Variants in PRIM2 observed in about 807,000 individuals in gnomAD.
The protein encoded by PRIM2 is DNA primase large subunit.
PRIM2 carries 39 observed loss-of-function variants against 67.3 expected under a neutral mutation model. The ratio of observed to expected loss-of-function variants is 0.58; its 90% CI spans 0.45 to 0.76. The LOEUF (loss-of-function observed/expected upper bound fraction) is 0.76. Ranked by LOEUF, PRIM2 falls within the 30% of genes least tolerant of loss-of-function variation. The probability of loss-of-function intolerance (pLI) is 0.00; values close to 1 mark genes in which losing one functional copy is unlikely to be tolerated. For missense variants in PRIM2, 398 were observed against 598.7 expected, an observed-to-expected ratio of 0.66 and a Z score of 3.50; for synonymous variants, 143 against 198.7, an observed-to-expected ratio of 0.72 and a Z score of 2.36.
chr6:57,308,723 TC>T, the PRIM2 span, among the ~76,000 whole-genome samples: 6 of 152,306 alleles, frequency 3.9e-5, no homozygotes, highest in Non-Finnish European at 4.4e-5. Flanking sequence ...TAGAATATTA[TC>T]TCATTGTGGT....
the PRIM2 span, among the ~76,000 whole-genome samples, chr6:57,273,614 T>C: frequency 6.6e-6 from 1 of 152,214 alleles, no homozygotes; most frequent in Non-Finnish European, 1.5e-5. Context: ...TCTGAAGCCT[T>C]CTTCTCTCAG....
chr6:57,224,867 A>G, the PRIM2 span, among the ~76,000 whole-genome samples: 1 of 152,230 alleles, frequency 6.6e-6, no homozygotes, highest in East Asian at 1.9e-4. Flanking sequence ...AGCAGAACAG[A>G]AGAAACACTC....
At chr6:57,371,114 G>A (rs994613501) in intron 5 of PRIM2, among the ~76,000 whole-genome samples, 3 of 137,512 alleles carry the variant, frequency 2.2e-5, no homozygotes, top group African/African-American at 8.0e-5. Flanking sequence ...TTTTATTTAA[G>A]TTCTTGAGGT....
chr6:57,277,762 C>G, the PRIM2 span, among the ~76,000 whole-genome samples: 1 of 151,968 alleles, frequency 6.6e-6, no homozygotes, highest in South Asian at 2.1e-4. Flanking sequence ...GGGTGGATCA[C>G]AAGGTCAGGA....
intron 12 of PRIM2, among the ~76,000 whole-genome samples, chr6:57,614,218 C>T (rs1776714768): frequency 6.6e-6 from 1 of 152,188 alleles, no homozygotes; most frequent in African/African-American, 2.4e-5. Context: ...AGGTTGTGCG[C>T]TCCTTATGAG....
intron 7 of PRIM2, among the ~76,000 whole-genome samples, chr6:57,384,107 C>G (rs993436696): frequency 3.9e-5 from 6 of 152,178 alleles, no homozygotes; most frequent in African/African-American, 1.4e-4. Flanking sequence ...TATGCCTTAT[C>G]CTCAGTCTGG....
chr6:57,622,654 A>G (rs1308075052), intron 12 of PRIM2, among the ~76,000 whole-genome samples: 1 of 152,166 alleles, frequency 6.6e-6, no homozygotes, highest in African/African-American at 2.4e-5. Flanking sequence ...ATTTTCACTC[A>G]ACTATTAATG....
intron 7 of PRIM2, among the ~76,000 whole-genome samples, chr6:57,386,235 C>A (rs1466996116): frequency 6.6e-6 from 1 of 151,002 alleles, no homozygotes; most frequent in East Asian, 1.9e-4. Context: ...AAAACAACAA[C>A]AACAACAACA....
chr6:57,377,850 G>A (rs35573762), intron 5 of PRIM2, among the ~76,000 whole-genome samples: 1 of 151,680 alleles, frequency 6.6e-6, no homozygotes, highest in Non-Finnish European at 1.5e-5. Context: ...GTTTCATTTA[G>A]TGATATAAAA....
At chr6:57,275,155 CA>C in the PRIM2 span, among the ~76,000 whole-genome samples, 3 of 151,520 alleles carry the variant, frequency 2.0e-5, no homozygotes, top group Non-Finnish European at 4.4e-5. Flanking sequence ...AAAAACAGTG[CA>C]AAAAAATGCA....
At chr6:57,561,344 G>T (rs1289236840) in intron 10 of PRIM2, among the ~76,000 whole-genome samples, 10 of 152,198 alleles carry the variant, frequency 6.6e-5, no homozygotes, top group African/African-American at 2.4e-4. Context: ...CGATTCTCCT[G>T]CCTCAGCCTC....
At chr6:57,612,031 G>A (rs1311314965) in intron 12 of PRIM2, among the ~76,000 whole-genome samples, 1 of 152,002 alleles carries the variant, frequency 6.6e-6, no homozygotes, top group Non-Finnish European at 1.5e-5. Context: ...AAACTACAAT[G>A]AATACCATGA....
intron 10 of PRIM2, among the ~76,000 whole-genome samples, chr6:57,561,329 G>A (rs1283711331): frequency 2.0e-5 from 3 of 152,104 alleles, no homozygotes; most frequent in Non-Finnish European, 2.9e-5. Flanking sequence ...CCTCCTGGGT[G>A]CAAACGATTC....
chr6:57,334,511 A>T (rs970067713), intron 5 of PRIM2, among the ~76,000 whole-genome samples: 4 of 152,162 alleles, frequency 2.6e-5, no homozygotes, highest in Non-Finnish European at 5.9e-5. Context: ...TACAAAAAAT[A>T]AAAAATAGCT....
intron 8 of PRIM2, among the ~76,000 whole-genome samples, chr6:57,520,994 G>A (rs1366562787): frequency 1.3e-5 from 2 of 152,142 alleles, no homozygotes; most frequent in African/African-American, 4.8e-5. Flanking sequence ...GTTGTCTGAT[G>A]GTAGTTTTCT....
rs949193115 is a variant in PRIM2, at chr6:57,457,649, G to T, written c.694-49738G>T. On this transcript the variant is annotated intron_variant, in intron 7 of 13. Coordinates refer to ENST00000615550, the MANE Select transcript of PRIM2 (RefSeq NM_000947.5). ...TGACCGTTGTAAAAGTGCAGTATTGGGGTGGGAGTGAACCGATTTTCCAGG... is the reference window on the plus strand; with the variant it reads ...TGACCGTTGTAAAAGTGCAGTATTGTGGTGGGAGTGAACCGATTTTCCAGG... Among the ~76,000 whole-genome samples, 12 of 152,212 alleles carry T rather than the reference G, an allele frequency of 7.9e-5. No individual in the cohort carries two copies. In the East Asian group the frequency reaches 2.3e-3, roughly 29 times the overall value.
chr6:57,383,621 T>TC (rs896517002), intron 7 of PRIM2: 16 of 151,626 alleles, frequency 1.1e-4, no homozygotes, highest in South Asian at 4.2e-4. Flanking sequence ...AGTCTTTTTT[T>TC]CCCCCCTCTG....
chr6:57,346,535 G>A (rs1462835564), intron 5 of PRIM2, among the ~76,000 whole-genome samples: 1 of 152,066 alleles, frequency 6.6e-6, no homozygotes, highest in Non-Finnish European at 1.5e-5. Context: ...GGTCAGGCTG[G>A]TCTTGAACTC....
the PRIM2 span, among the ~76,000 whole-genome samples, chr6:57,248,546 A>T: frequency 6.6e-6 from 1 of 152,214 alleles, no homozygotes; most frequent in Non-Finnish European, 1.5e-5. Flanking sequence ...TTAAGAGCAT[A>T]GGTAACAGAA....
Sources: allele counts gnomAD v4.1 joint callset (sites outside exome capture counted in the v4.1 genomes callset), GRCh38; gene constraint gnomAD v4.1.1; transcripts MANE v1.5; gene names NCBI Gene and HGNC (gene_info 2026-07-23, HGNC 2026-07-21).